Variants in XRN1 observed in about 807,000 individuals in gnomAD.
XRN1 encodes 5'-3' exoribonuclease 1.
In XRN1, 67 loss-of-function variants were observed where a neutral mutation model predicts 222.3. That is an observed-to-expected ratio of 0.30 (90% CI 0.25 to 0.37). XRN1 has a LOEUF of 0.37. Among genes scored for constraint, XRN1 ranks in the 10% least tolerant of loss-of-function variants. XRN1 has a pLI of 1.00. For missense variants in XRN1, 1,707 were observed against 2,000.2 expected (o/e 0.85, Z 2.80); for synonymous variants, 643 against 652.4 (o/e 0.99, Z 0.22).
At chr3:142,417,964 T>C (rs530400810) in intron 12 of XRN1, 5 of 152,368 alleles carry the variant, frequency 3.3e-5, no homozygotes, top group Non-Finnish European at 5.9e-5. Context: ...GCCATCACTT[T>C]TACATTTTTA....
rs772204703 is a variant in XRN1 at position 142,414,216 on chromosome 3, T to C, written c.1512A>G (p.Leu504=). 7 of 1,613,902 alleles carry C rather than the reference T, an allele frequency of 4.3e-6. No homozygotes were observed. The South Asian group carries it at 5.5e-5, about 13-fold the overall frequency. Residue 504 remains leucine, a synonymous_variant, in exon 14 of 41, where the codon CTA becomes CTG. Transcript: ENST00000392981. ...GTTCAAATGGCTTAAAAGGTTTTCC[T>C]AGTTCAAAATGGATTTTGAGTGTAC... ...NISTLKIHFE[L]GKPFKPFEQL... is the part of the protein sequence containing the mutation.
In XRN1 at chr3:142,365,149, C is replaced by T; in HGVS notation, c.3292G>A (p.Asp1098Asn). The T allele has an allele frequency of 6.2e-7, 1 of 1,613,068 alleles. No individual in the cohort carries two copies. The highest frequency in any genetic ancestry group is 2.2e-5 in the East Asian group (1 of 44,744). Residue 1098 changes from aspartate (D) to asparagine (N), a missense_variant, in exon 29 of 41, where the codon GAT becomes AAT. Physicochemically the swap from Asp to Asn is conservative, Grantham distance 23. Coordinates refer to ENST00000392981, the MANE Select transcript of XRN1 (RefSeq NM_001282857.2). Reference sequence around the variant, plus strand: ...AAAAGACAAAATTCTGCATCCCGATCAGGAATGACTCCATGTTGCTGTTCT... The same window carrying T: ...AAAAGACAAAATTCTGCATCCCGATTAGGAATGACTCCATGTTGCTGTTCT... ...PLEQQHGVIP[D>N]RDAEFCLFDR...
At chr3:142,387,920 T>C (rs982141639) in intron 20 of XRN1, among the ~76,000 whole-genome samples, 2 of 152,174 alleles carry the variant, frequency 1.3e-5, no homozygotes, top group Non-Finnish European at 2.9e-5. Flanking sequence ...ATGTGATCTG[T>C]ACACGCCTGT....
At chr3:142,409,010 T>C (rs2068458626) in intron 15 of XRN1, among the ~76,000 whole-genome samples, 1 of 152,210 alleles carries the variant, frequency 6.6e-6, no homozygotes, top group East Asian at 1.9e-4. Flanking sequence ...AAAATGGCCC[T>C]TCAAAAATAT....
At position 142,329,584 on chromosome 3, in the gene XRN1, A is replaced by G. The variant is rs761298490; in HGVS notation, c.4254T>C (p.Asn1418=). The G allele has an allele frequency of 1.2e-5, 18 of 1,558,316 alleles. No individual in the cohort carries two copies. The Admixed American group carries it at 3.7e-4, about 32-fold the overall frequency. ...CCATAGACTGAACATTATGGTACTC[A>G]TTAGCACTGTGAGGCTTGTTCATAT... ...ASYMNKPHSA[N]EYHNVQSMDN... Residue 1418 remains asparagine, a synonymous_variant, in exon 37 of 41, where the codon AAT becomes AAC. Coordinates refer to ENST00000392981, the MANE Select transcript of XRN1 (RefSeq NM_001282857.2).
chr3:142,414,199 G>A lies in XRN1; in HGVS notation c.1529C>T (p.Pro510Leu). The A allele has an allele frequency of 6.2e-7, 1 of 1,613,832 alleles. No homozygotes were observed. Among genetic ancestry groups the A allele is most frequent in the Non-Finnish European group, 8.5e-7 (1 of 1,179,874 alleles). The change falls in exon 14 of 41, where the codon CCA (proline) becomes CTA (leucine). Residue 510 changes from proline (P) to leucine (L), a missense_variant. By Grantham distance (98) the Pro-to-Leu change is moderately conservative. This residue lies in a region of XRN1 where 1,234 missense variants were observed against 1,518.2 expected (regional missense o/e 0.81). Coordinates refer to ENST00000392981, the MANE Select transcript of XRN1 (RefSeq NM_001282857.2). ...IHFELGKPFK[P>L]FEQLLAVLPA... ...AAGTACAGCAAGAAGCTGTTCAAAT[G>A]GCTTAAAAGGTTTTCCTAGTTCAAA... is the stretch of plus-strand genomic sequence containing the variant.
intron 3 of XRN1, among the ~76,000 whole-genome samples, chr3:142,425,832 TA>T (rs2069223930): frequency 6.6e-6 from 1 of 152,050 alleles, no homozygotes; most frequent in Non-Finnish European, 1.5e-5. Context: ...AATTTTCATG[TA>T]AGGGCAGAGT....
At chr3:142,389,359 G>C (rs1405898915) in intron 20 of XRN1, among the ~76,000 whole-genome samples, 2 of 151,946 alleles carry the variant, frequency 1.3e-5, no homozygotes, top group Non-Finnish European at 2.9e-5. Context: ...TTCCTCCACT[G>C]AAGTTTTGAA....
Position 142,404,003 on chromosome 3 carries a change from C to A in XRN1, c.1884-14G>T. ...ATTATTTTATACCTAGAAAATAAAT[C>A]AAGGCATTTAATTTAAAATTAATAC... is the stretch of plus-strand genomic sequence containing the variant. On this transcript the variant is annotated splice_polypyrimidine_tract_variant and intron_variant, in intron 16 of 40. Transcript: ENST00000392981. The A allele has an allele frequency of 6.5e-7, 1 of 1,543,776 alleles. No individual in the cohort carries two copies. The highest frequency in any genetic ancestry group is 1.2e-5 in the South Asian group (1 of 85,798).
chr3:142,394,228 C>T (rs1461570494), intron 20 of XRN1, among the ~76,000 whole-genome samples: 4 of 152,186 alleles, frequency 2.6e-5, no homozygotes, highest in African/African-American at 9.7e-5. Flanking sequence ...TGCCAATATT[C>T]TAAACTCTCT....
chr3:142,419,297 G>C (rs921538577), intron 10 of XRN1, among the ~76,000 whole-genome samples: 1 of 151,706 alleles, frequency 6.6e-6, no homozygotes, highest in Non-Finnish European at 1.5e-5. Flanking sequence ...TTCCCAAAAA[G>C]TTGCAGAGCC....
At chr3:142,311,896 T>G in intron 40 of XRN1, 83 bp from the exon 41 acceptor site, 2 of 1,339,922 alleles carry the variant, frequency 1.5e-6, no homozygotes, top group South Asian at 1.5e-5. Flanking sequence ...CCATGCATGC[T>G]GTTAATATTT....
At position 142,384,637 on chromosome 3, in the gene XRN1, C is replaced by A. The variant is rs780393316; in HGVS notation, c.2388G>T (p.Val796=). The A allele has an allele frequency of 1.2e-6, 2 of 1,608,076 alleles. No individual in the cohort carries two copies. Among genetic ancestry groups the A allele is most frequent in the Non-Finnish European group, 1.7e-6 (2 of 1,177,626 alleles). The change falls in exon 21 of 41, where the codon GTG becomes GTT. Residue 796 remains valine, a synonymous_variant. Coordinates refer to ENST00000392981, the MANE Select transcript of XRN1 (RefSeq NM_001282857.2). The stretch of plus-strand genomic sequence containing the variant: ...TACGACCTGTGAGTAACTGAGCATA[C>A]ACAACTGCAGATGTTTCATTTATTA... The part of the protein sequence containing the change: ...GIIINETSAV[V]YAQLLTGRKY...
At chr3:142,317,920 CTGA>C (rs1479305829) in intron 39 of XRN1, among the ~76,000 whole-genome samples, 1 of 60,870 alleles carries the variant, frequency 1.6e-5, no homozygotes, top group East Asian at 2.8e-4. Context: ...CTCTAATCTG[CTGA>C]TATTTCTTCT....
chr3:142,360,912 T>G (rs1004508061), intron 29 of XRN1, among the ~76,000 whole-genome samples: 5 of 150,364 alleles, frequency 3.3e-5, no homozygotes, highest in African/African-American at 1.2e-4. Context: ...CAAAACAGCC[T>G]TACTGAGGTA....
chr3:142,406,506 T>C (rs949993973), intron 15 of XRN1, among the ~76,000 whole-genome samples: 3 of 152,082 alleles, frequency 2.0e-5, no homozygotes, highest in Admixed American at 2.0e-4. Flanking sequence ...TGGGAGAAAG[T>C]AGATGGCAAA....
chr3:142,433,508 A>T (rs1212076078), intron 1 of XRN1, among the ~76,000 whole-genome samples: 1 of 152,242 alleles, frequency 6.6e-6, no homozygotes, highest in Non-Finnish European at 1.5e-5. Flanking sequence ...ATCTGCTTTT[A>T]TAAGAAGACC....
At chr3:142,333,797 T>C (rs935929374) in intron 34 of XRN1, among the ~76,000 whole-genome samples, 1 of 152,138 alleles carries the variant, frequency 6.6e-6, no homozygotes, top group Non-Finnish European at 1.5e-5. Context: ...AGAAGACGCA[T>C]CATCTGCAAG....
chr3:142,431,817 C>CA (rs1319347404), intron 2 of XRN1, among the ~76,000 whole-genome samples: 13 of 100,570 alleles, frequency 1.3e-4, no homozygotes, highest in South Asian at 5.7e-4. Flanking sequence ...AACTCCATCT[C>CA]AAAAAAAAAA....
Sources: gnomAD v4.1 joint callset for allele counts (sites outside exome capture counted in the v4.1 genomes callset) on GRCh38, gnomAD v4.1.1 for gene constraint, gnomAD v4.1.1 regional missense constraint, MANE v1.5 for transcripts, NCBI Gene and HGNC (gene_info 2026-07-23, HGNC 2026-07-21) for gene names.